The following KCNAB1 variants were observed in gnomAD, a reference collection of about 807,000 sequenced individuals.
KCNAB1 encodes the protein voltage-gated potassium channel subunit beta-1.
A neutral mutation model predicts 64.6 loss-of-function variants in KCNAB1; 35 were observed. The ratio of observed to expected loss-of-function variants is 0.54; its 90% confidence interval spans 0.41 to 0.72. The LOEUF is 0.72. KCNAB1 is among the 30% of genes least tolerant of loss of function. KCNAB1 has a pLI of 0.00. For synonymous variants in KCNAB1, 177 were observed against 183.8 expected, an observed-to-expected ratio of 0.96 and a Z score of 0.30; for missense variants, 401 against 512.9, an observed-to-expected ratio of 0.78 and a Z score of 2.11.
At chr3:156,482,680 C>G (rs1471160128) in intron 8 of KCNAB1, among the ~76,000 whole-genome samples, 1 of 152,074 alleles carries the variant, frequency 6.6e-6, no homozygotes. Context: ...TATTGAACTT[C>G]TCTTGTCCCT....
chr3:156,197,406 G>C (rs369059435), intron 1 of KCNAB1, among the ~76,000 whole-genome samples: 3 of 152,038 alleles, frequency 2.0e-5, no homozygotes, highest in Admixed American at 6.6e-5. Context: ...TTGTACCTCT[G>C]GTATAATTTG....
At chr3:156,243,160 G>A (rs1419566846) in intron 1 of KCNAB1, among the ~76,000 whole-genome samples, 4 of 151,652 alleles carry the variant, frequency 2.6e-5, no homozygotes, top group East Asian at 2.0e-4. Context: ...CACCCGCCTC[G>A]GCCTCCCAAA....
chr3:156,500,878 A>G (rs1362220036), intron 8 of KCNAB1, among the ~76,000 whole-genome samples: 3 of 152,196 alleles, frequency 2.0e-5, no homozygotes, highest in Admixed American at 1.3e-4. Flanking sequence ...AAAATTTTCT[A>G]GGTCAAAACT....
At chr3:156,327,321 A>G (rs1484809328) in intron 1 of KCNAB1, among the ~76,000 whole-genome samples, 2 of 152,196 alleles carry the variant, frequency 1.3e-5, no homozygotes, top group Non-Finnish European at 2.9e-5. Flanking sequence ...TTGAGTAGAT[A>G]TGACTACCTT....
rs536130863 is a variant in KCNAB1 at position 156,212,353 on chromosome 3, A to G, written c.275+91467A>G. 3.9e-5 allele frequency among the ~76,000 whole-genome samples: 6 copies of G among 152,346 alleles called. No individual in the cohort carries two copies. The South Asian group carries it at 1.0e-3, about 26-fold the overall frequency. On this transcript the variant is annotated intron_variant, in intron 1 of 13. Coordinates refer to ENST00000490337, the MANE Select transcript of KCNAB1 (RefSeq NM_172160.3). ...GGAATAAAGTGTTAGTGATGGTTTC[A>G]GATACTATGAAAGATGATGGGGTAG...
At chr3:156,199,788 G>T (rs1208891006) in intron 1 of KCNAB1, among the ~76,000 whole-genome samples, 1 of 152,168 alleles carries the variant, frequency 6.6e-6, no homozygotes, top group African/African-American at 2.4e-5. Flanking sequence ...AGAGGAGTTT[G>T]TTATTACCCA....
At chr3:156,428,855 A>G (rs1278820017) in intron 2 of KCNAB1, among the ~76,000 whole-genome samples, 1 of 152,122 alleles carries the variant, frequency 6.6e-6, no homozygotes, top group East Asian at 1.9e-4. Flanking sequence ...GAACACCCCC[A>G]TACCTTTGGG....
At chr3:156,292,154 C>T in intron 1 of KCNAB1, 1 of 1,611,490 alleles carries the variant, frequency 6.2e-7, no homozygotes, top group Non-Finnish European at 8.5e-7. Flanking sequence ...TCCCTCTGTG[C>T]GGGGTATCCA....
chr3:156,453,044 A>G, intron 3 of KCNAB1, 108 bp downstream of exon 3: 1 of 634,162 alleles, frequency 1.6e-6, no homozygotes, highest in Non-Finnish European at 2.8e-6. Flanking sequence ...ATAAGGTTTA[A>G]TTCACAGGAA....
chr3:156,310,955 T>A (rs1241652037), intron 1 of KCNAB1, among the ~76,000 whole-genome samples: 2 of 152,184 alleles, frequency 1.3e-5, no homozygotes, highest in African/African-American at 4.8e-5. Flanking sequence ...ACTGGAACTC[T>A]CCATGGGCAG....
intron 1 of KCNAB1, among the ~76,000 whole-genome samples, chr3:156,122,128 C>T (rs1713380725): frequency 6.6e-6 from 1 of 152,170 alleles, no homozygotes; most frequent in African/African-American, 2.4e-5. Context: ...TTGTCTGAAG[C>T]TCTTGTATAT....
At chr3:156,524,463 C>G (rs1056618712) in intron 12 of KCNAB1, among the ~76,000 whole-genome samples, 1 of 152,074 alleles carries the variant, frequency 6.6e-6, no homozygotes, top group Non-Finnish European at 1.5e-5. Context: ...GAAAACCACA[C>G]GCGGCTGGGC....
intron 1 of KCNAB1, among the ~76,000 whole-genome samples, chr3:156,165,923 A>T (rs557109714): frequency 6.6e-6 from 1 of 152,192 alleles, no homozygotes; most frequent in Admixed American, 6.5e-5. Flanking sequence ...TGGATCACAG[A>T]GTAGTTCCTG....
chr3:156,127,009 T>G (rs1276026029), intron 1 of KCNAB1, among the ~76,000 whole-genome samples: 1 of 152,222 alleles, frequency 6.6e-6, no homozygotes, highest in Non-Finnish European at 1.5e-5. Flanking sequence ...GTACTCACAC[T>G]GATACTGTAA....
rs1202307606 is a variant in KCNAB1, at chr3:156,335,582, A to G, written c.276-86034A>G. ...TTGTTAAACATATTAATCCATCAAT[A>G]TCCAGACATTATCTAGATTTCCAGG... On this transcript the variant is annotated intron_variant, in intron 1 of 13. Transcript: ENST00000490337. 2.0e-5 allele frequency among the ~76,000 whole-genome samples: 3 copies of G among 152,234 alleles called. No individual in the cohort carries two copies. The East Asian group carries it at 5.8e-4, about 29-fold the overall frequency.
chr3:156,181,987 A>T (rs1422531035), intron 1 of KCNAB1, among the ~76,000 whole-genome samples: 1 of 152,232 alleles, frequency 6.6e-6, no homozygotes, highest in African/African-American at 2.4e-5. Flanking sequence ...AGAGTTATTC[A>T]TGAAAATGTT....
At chr3:156,461,197 G>C (rs1368231225) in intron 5 of KCNAB1, among the ~76,000 whole-genome samples, 3 of 152,222 alleles carry the variant, frequency 2.0e-5, no homozygotes, top group Non-Finnish European at 4.4e-5. Context: ...CAAAGGACCA[G>C]AAACTGGGTA....
chr3:156,144,681 C>T (rs1714935131), intron 1 of KCNAB1, among the ~76,000 whole-genome samples: 2 of 152,140 alleles, frequency 1.3e-5, no homozygotes, highest in African/African-American at 4.8e-5. Context: ...TTCCTCGACC[C>T]TCAGTGGTGG....
At chr3:156,319,153 G>A (rs1722490066) in intron 1 of KCNAB1, among the ~76,000 whole-genome samples, 1 of 152,140 alleles carries the variant, frequency 6.6e-6, no homozygotes, top group South Asian at 2.1e-4. Context: ...AGATACAGGA[G>A]GAACCATCCC....
Sources: allele counts gnomAD v4.1 joint callset (sites outside exome capture counted in the v4.1 genomes callset), GRCh38; gene constraint gnomAD v4.1.1; transcripts MANE v1.5; gene names NCBI Gene and HGNC (gene_info 2026-07-23, HGNC 2026-07-21).